GALNTL6: variants seen among roughly 807,000 people sequenced by gnomAD.
GALNTL6 encodes polypeptide N-acetylgalactosaminyltransferase-like 6.
A neutral mutation model predicts 73.7 loss-of-function variants in GALNTL6; 46 were observed. The ratio of observed to expected loss-of-function variants is 0.62; its 90% confidence interval spans 0.49 to 0.80. GALNTL6 has a LOEUF of 0.80. GALNTL6 is among the 30% of genes least tolerant of loss of function. GALNTL6 has a pLI of 0.00. For missense variants in GALNTL6, 604 were observed against 755.0 expected (o/e 0.80, Z 2.34); for synonymous variants, 259 against 263.7 (o/e 0.98, Z 0.17).
At chr4:172,734,311 A>T (rs562730678) in intron 5 of GALNTL6, among the ~76,000 whole-genome samples, 26 of 152,290 alleles carry the variant, frequency 1.7e-4, no homozygotes, top group African/African-American at 6.3e-4. Flanking sequence ...CAGCTGCAGA[A>T]ATTTGCATAA....
At chr4:172,685,342 A>G (rs769686297) in intron 5 of GALNTL6, among the ~76,000 whole-genome samples, 1 of 152,226 alleles carries the variant, frequency 6.6e-6, no homozygotes, top group Non-Finnish European at 1.5e-5. Flanking sequence ...ATTATAGAAG[A>G]CATAATTGCT....
chr4:171,903,764 G>C (rs1304877033), intron 2 of GALNTL6, among the ~76,000 whole-genome samples: 1 of 152,062 alleles, frequency 6.6e-6, no homozygotes, highest in Non-Finnish European at 1.5e-5. Context: ...TTTGAAGAGA[G>C]CAGTGGTTCT....
intron 2 of GALNTL6, among the ~76,000 whole-genome samples, chr4:172,043,785 G>A (rs1304751250): frequency 1.3e-5 from 2 of 151,972 alleles, no homozygotes; most frequent in Non-Finnish European, 2.9e-5. Context: ...TAAATGCAAA[G>A]ATATCTTCAA....
chr4:172,575,953 G>T (rs1447975377), intron 5 of GALNTL6, among the ~76,000 whole-genome samples: 1 of 152,180 alleles, frequency 6.6e-6, no homozygotes, highest in African/African-American at 2.4e-5. Context: ...ATGCAGTGTT[G>T]TTGACTGGAG....
chr4:172,531,997 A>G (rs13145937), intron 5 of GALNTL6, among the ~76,000 whole-genome samples: 22,620 of 152,238 alleles, frequency 0.15, 1,943 homozygotes, highest in Non-Finnish European at 0.21. Flanking sequence ...ATTAAACTCC[A>G]AGAATGGGTG....
chr4:172,176,812 A>T (rs529731253), intron 2 of GALNTL6, among the ~76,000 whole-genome samples: 1 of 152,220 alleles, frequency 6.6e-6, no homozygotes, highest in African/African-American at 2.4e-5. Context: ...ATAAAAAAGT[A>T]GCCATTTTCA....
intron 5 of GALNTL6, among the ~76,000 whole-genome samples, chr4:172,445,551 T>C (rs1731989011): frequency 6.6e-6 from 1 of 152,182 alleles, no homozygotes; most frequent in Non-Finnish European, 1.5e-5. Context: ...GAGACAAAAT[T>C]AATTGAATAG....
chr4:172,688,447 G>A (rs928239086), intron 5 of GALNTL6, among the ~76,000 whole-genome samples: 1 of 152,180 alleles, frequency 6.6e-6, no homozygotes, highest in African/African-American at 2.4e-5. Flanking sequence ...TTCTTCTTGA[G>A]AAGAGGAGGA....
At chr4:172,146,984 C>A (rs887108959) in intron 2 of GALNTL6, among the ~76,000 whole-genome samples, 1 of 151,958 alleles carries the variant, frequency 6.6e-6, no homozygotes, top group Non-Finnish European at 1.5e-5. Flanking sequence ...TTTTAGGCAC[C>A]GGGATTGTTG....
intron 7 of GALNTL6, among the ~76,000 whole-genome samples, chr4:172,872,889 C>G (rs1745016386): frequency 6.6e-6 from 1 of 152,164 alleles, no homozygotes; most frequent in Non-Finnish European, 1.5e-5. Context: ...TCCTATTTAT[C>G]TTTGTTTCCA....
rs559866575 is a variant in GALNTL6, at chr4:172,330,401, G to C, written c.387-18122G>C. 7.9e-5 allele frequency among the ~76,000 whole-genome samples: 12 copies of C among 152,306 alleles called. No individual in the cohort carries two copies. The South Asian group carries it at 8.3e-4, about 11-fold the overall frequency. On this transcript the variant is annotated intron_variant, in intron 4 of 12. Coordinates refer to ENST00000506823, the MANE Select transcript of GALNTL6 (RefSeq NM_001034845.3). ...CTTATCACTTCCCTGAGCTAGGGAG[G>C]CTCCCCTGGCTCCATGTTGCTCCTG... is the stretch of plus-strand genomic sequence containing the variant.
intron 5 of GALNTL6, among the ~76,000 whole-genome samples, chr4:172,437,522 A>G (rs1464037277): frequency 2.6e-5 from 4 of 152,162 alleles, no homozygotes; most frequent in Non-Finnish European, 2.9e-5. Context: ...AATGTGATAA[A>G]TGATTCTATG....
intron 8 of GALNTL6, among the ~76,000 whole-genome samples, chr4:172,884,972 A>G (rs1745644161): frequency 6.6e-6 from 1 of 152,038 alleles, no homozygotes; most frequent in Non-Finnish European, 1.5e-5. Flanking sequence ...ATTTTGTTCC[A>G]TTGGTGTATG....
At chr4:171,986,851 A>G (rs1002933879) in intron 2 of GALNTL6, among the ~76,000 whole-genome samples, 3 of 152,250 alleles carry the variant, frequency 2.0e-5, no homozygotes, top group Admixed American at 1.3e-4. Flanking sequence ...TAGTCCTGCC[A>G]GCAGAGATTA....
At chr4:172,192,841 C>T (rs1735628439) in intron 2 of GALNTL6, among the ~76,000 whole-genome samples, 2 of 152,286 alleles carry the variant, frequency 1.3e-5, no homozygotes, top group Admixed American at 1.3e-4. Context: ...ACTGTGGCTC[C>T]AGTCTGCCAT....
At chr4:172,146,277 C>A (rs745998680) in intron 2 of GALNTL6, among the ~76,000 whole-genome samples, 1 of 152,094 alleles carries the variant, frequency 6.6e-6, no homozygotes, top group African/African-American at 2.4e-5. Context: ...AATTCTTTTG[C>A]GTTCTTTATG....
intron 5 of GALNTL6, among the ~76,000 whole-genome samples, chr4:172,744,131 A>T (rs1384150810): frequency 1.2e-4 from 1 of 8,540 alleles, no homozygotes; most frequent in African/African-American, 1.3e-4. Context: ...TATCTCAATT[A>T]TGCATTCAGA....
intron 3 of GALNTL6, among the ~76,000 whole-genome samples, chr4:172,251,887 A>G (rs2111016259): frequency 6.6e-6 from 1 of 152,244 alleles, no homozygotes; most frequent in Middle Eastern, 3.4e-3. Flanking sequence ...AAGCATCCTA[A>G]AAGTATCAAT....
chr4:172,748,346 A>G (rs188791773), intron 5 of GALNTL6, among the ~76,000 whole-genome samples: 69 of 152,122 alleles, frequency 4.5e-4, no homozygotes, highest in Admixed American at 3.9e-3. Flanking sequence ...CCACCAATTA[A>G]CCGAATGTTC....
Sources: allele counts gnomAD v4.1 joint callset (sites outside exome capture counted in the v4.1 genomes callset), GRCh38; gene constraint gnomAD v4.1.1; transcripts MANE v1.5; gene names NCBI Gene and HGNC (gene_info 2026-07-23, HGNC 2026-07-21).